ZRANB3: variants seen among roughly 807,000 people sequenced by gnomAD.
The protein encoded by ZRANB3 is zinc finger RANBP2-type containing 3.
A neutral mutation model predicts 133.8 loss-of-function variants in ZRANB3; 125 were observed. That is an observed-to-expected ratio of 0.93 (90% CI 0.81 to 1.08). ZRANB3 has a LOEUF of 1.08. Among genes scored for constraint, ZRANB3 ranks in the 50% least tolerant of loss-of-function variants. The probability of loss-of-function intolerance (pLI) is 0.00; values close to 1 mark genes in which losing one functional copy is unlikely to be tolerated. For synonymous variants in ZRANB3, 387 were observed against 432.7 expected, an observed-to-expected ratio of 0.89 and a Z score of 1.31; for missense variants, 1,229 against 1,275.5, an observed-to-expected ratio of 0.96 and a Z score of 0.56.
At chr2:135,347,296 T>G (rs1684982180) in intron 5 of ZRANB3, among the ~76,000 whole-genome samples, 1 of 148,016 alleles carries the variant, frequency 6.8e-6, no homozygotes, top group Non-Finnish European at 1.5e-5. Flanking sequence ...TCAGTTCTCT[T>G]TTTTTTTTTT....
At chr2:135,351,929 A>T (rs1213647818) in intron 4 of ZRANB3, among the ~76,000 whole-genome samples, 1 of 152,232 alleles carries the variant, frequency 6.6e-6, no homozygotes, top group Non-Finnish European at 1.5e-5. Flanking sequence ...ATTATCCACC[A>T]TTTAACTGCA....
chr2:135,429,902 G>C (rs1689245486), intron 2 of ZRANB3, among the ~76,000 whole-genome samples: 1 of 152,130 alleles, frequency 6.6e-6, no homozygotes, highest in African/African-American at 2.4e-5. Context: ...ATCAAACCAG[G>C]CTGGGCCTGG....
intron 2 of ZRANB3, among the ~76,000 whole-genome samples, chr2:135,462,487 T>A (rs1378096082): frequency 6.6e-6 from 1 of 152,198 alleles, no homozygotes; most frequent in East Asian, 1.9e-4. Flanking sequence ...ACTTTCATAT[T>A]ATAATAATTT....
chr2:135,292,210 C>A (rs957411786), intron 8 of ZRANB3, among the ~76,000 whole-genome samples: 2 of 152,188 alleles, frequency 1.3e-5, no homozygotes, highest in Non-Finnish European at 2.9e-5. Flanking sequence ...ACAGTCCCAC[C>A]AACAGTGTAA....
chr2:135,385,268 G>A (rs1686913014), intron 3 of ZRANB3, among the ~76,000 whole-genome samples: 2 of 152,028 alleles, frequency 1.3e-5, no homozygotes, highest in African/African-American at 4.8e-5. Flanking sequence ...AAAATACCTA[G>A]GAATCCAACT....
chr2:135,271,292 T>C (rs901612087), intron 10 of ZRANB3: 1 of 470,950 alleles, frequency 2.1e-6, no homozygotes, highest in African/African-American at 2.0e-5. Flanking sequence ...TGAATTTCTG[T>C]TTACTTGCCT....
chr2:135,368,143 A>C (rs1342752919), intron 3 of ZRANB3, among the ~76,000 whole-genome samples: 2 of 152,074 alleles, frequency 1.3e-5, no homozygotes, highest in East Asian at 1.9e-4. Context: ...TAATTTATTA[A>C]ATATTATTCA....
intron 12 of ZRANB3, among the ~76,000 whole-genome samples, chr2:135,239,250 AG>A (rs1478546794): frequency 6.6e-6 from 1 of 152,178 alleles, no homozygotes; most frequent in African/African-American, 2.4e-5. Flanking sequence ...CTGGAGGGGA[AG>A]GGGAAATGGA....
At chr2:135,240,580 T>C (rs1448115061) in intron 12 of ZRANB3, among the ~76,000 whole-genome samples, 1 of 152,166 alleles carries the variant, frequency 6.6e-6, no homozygotes, top group Non-Finnish European at 1.5e-5. Flanking sequence ...ACGATTCTCC[T>C]TGAATCCTTC....
chr2:135,317,930 T>C (rs1683338536), intron 6 of ZRANB3, among the ~76,000 whole-genome samples: 1 of 152,102 alleles, frequency 6.6e-6, no homozygotes. Context: ...ATAACACATT[T>C]GCCAAAACCC....
At chr2:135,210,774 G>A (rs1427740953) in intron 17 of ZRANB3, among the ~76,000 whole-genome samples, 1 of 152,130 alleles carries the variant, frequency 6.6e-6, no homozygotes, top group East Asian at 1.9e-4. Context: ...ATAGTGATAG[G>A]TATCTCATCA....
At chr2:135,426,707 C>T (rs1276478281) in intron 2 of ZRANB3, among the ~76,000 whole-genome samples, 1 of 149,376 alleles carries the variant, frequency 6.7e-6, no homozygotes, top group African/African-American at 2.5e-5. Context: ...TGGTGAGCGC[C>T]AGTAGTCCCA....
chr2:135,357,062 G>T (rs74354814), intron 3 of ZRANB3, among the ~76,000 whole-genome samples: 1 of 151,868 alleles, frequency 6.6e-6, no homozygotes, highest in Non-Finnish European at 1.5e-5. Flanking sequence ...CCTTTGAAAC[G>T]TCTTTTTGTC....
intron 6 of ZRANB3, among the ~76,000 whole-genome samples, chr2:135,333,281 C>T (rs1340195672): frequency 1.3e-5 from 2 of 151,970 alleles, no homozygotes; most frequent in African/African-American, 4.8e-5. Context: ...TTCCTGCCAT[C>T]CCCGAAAGTA....
At chr2:135,218,972 T>G in intron 16 of ZRANB3, 105 bp downstream of exon 16, 1 of 753,202 alleles carries the variant, frequency 1.3e-6, no homozygotes, top group South Asian at 2.6e-5. Context: ...CTCTACAACA[T>G]GCCACAAAGT....
chr2:135,232,688 T>G (rs1049638365), intron 12 of ZRANB3, among the ~76,000 whole-genome samples: 7 of 152,220 alleles, frequency 4.6e-5, no homozygotes, highest in Non-Finnish European at 1.0e-4. Flanking sequence ...AAACAGGGTC[T>G]GGAGTGGACC....
intron 6 of ZRANB3, among the ~76,000 whole-genome samples, chr2:135,339,564 A>G (rs1684532890): frequency 6.6e-6 from 1 of 152,202 alleles, no homozygotes; most frequent in Non-Finnish European, 1.5e-5. Context: ...CCTGGGTGAC[A>G]AAGCAAGACC....
intron 6 of ZRANB3, among the ~76,000 whole-genome samples, chr2:135,336,384 A>G (rs1684371706): frequency 6.6e-6 from 1 of 152,258 alleles, no homozygotes; most frequent in Non-Finnish European, 1.5e-5. Flanking sequence ...ATAACTAACC[A>G]AAATTTGCAT....
At chr2:135,415,381 C>A (rs1430006334) in intron 2 of ZRANB3, among the ~76,000 whole-genome samples, 1 of 152,088 alleles carries the variant, frequency 6.6e-6, no homozygotes, top group Non-Finnish European at 1.5e-5. Flanking sequence ...TTCCTTGACA[C>A]ACACACTTTC....
Sources: allele counts gnomAD v4.1 joint callset (sites outside exome capture counted in the v4.1 genomes callset), GRCh38; gene constraint gnomAD v4.1.1; transcripts MANE v1.5; gene names NCBI Gene and HGNC (gene_info 2026-07-23, HGNC 2026-07-21).